The following OTUD7B variants were observed in gnomAD, a reference collection of about 807,000 sequenced individuals.
The protein encoded by OTUD7B is OTU domain-containing protein 7B.
OTUD7B carries 34 observed loss-of-function variants against 82.2 expected under a neutral mutation model. The observed-to-expected ratio is 0.41, with a 90% confidence interval of 0.31 to 0.55. The LOEUF (loss-of-function observed/expected upper bound fraction) is 0.55. Among genes scored for constraint, OTUD7B ranks in the 20% least tolerant of loss-of-function variants. OTUD7B has a pLI of 0.20. For missense variants in OTUD7B, 944 were observed against 1,062.1 expected (o/e 0.89, Z 1.55); for synonymous variants, 398 against 402.7 (o/e 0.99, Z 0.14).
chr1:149,953,765 T>A (rs1179503250), intron 7 of OTUD7B, among the ~76,000 whole-genome samples: 3 of 152,206 alleles, frequency 2.0e-5, no homozygotes, highest in African/African-American at 7.2e-5. Flanking sequence ...GTCCTTCACA[T>A]CCCTTGTAAG....
chr1:149,963,981 G>A (rs900361209), intron 6 of OTUD7B: 1 of 408,224 alleles, frequency 2.4e-6, no homozygotes, highest in African/African-American at 2.0e-5. Context: ...AGCACCTACT[G>A]GGGGAAAAGC....
At chr1:149,971,822 G>C (rs1649959961) in intron 2 of OTUD7B, among the ~76,000 whole-genome samples, 3 of 152,154 alleles carry the variant, frequency 2.0e-5, no homozygotes, top group Admixed American at 2.0e-4. Context: ...GACCTTAAAT[G>C]ATAAGATTTG....
intron 2 of OTUD7B, among the ~76,000 whole-genome samples, chr1:149,971,922 C>T (rs1169470255): frequency 6.6e-6 from 1 of 152,150 alleles, no homozygotes; most frequent in East Asian, 1.9e-4. Flanking sequence ...TGTTGTATTC[C>T]ATCTACTACC....
chr1:149,944,927 A>T lies in OTUD7B; in HGVS notation c.1462T>A (p.Ser488Thr), dbSNP rs1265486073. ...TTGTCCTTCTCCCGATCTCGCTTTG[A>T]CTTCTCCTTCCGCCGGCCGCCCTCG... ...SNEGGRRKEK[S>T]KRDREKDKKR... is the part of the protein sequence containing the mutation. The change falls in exon 12 of 12, where the codon TCA (serine) becomes ACA (threonine). Residue 488 changes from serine to threonine, a missense_variant. By Grantham distance (58) the Ser-to-Thr change is moderately conservative. This residue lies in a region of OTUD7B where 530 missense variants were observed against 625.6 expected (regional missense o/e 0.85). Transcript: ENST00000581312. 3 of 1,613,746 alleles carry T rather than the reference A, an allele frequency of 1.9e-6. No individual in the cohort carries two copies. Among genetic ancestry groups the T allele is most frequent in the African/African-American group, 1.3e-5 (1 of 74,790 alleles).
the OTUD7B span, among the ~76,000 whole-genome samples, chr1:150,039,193 C>A: frequency 1.3e-5 from 2 of 152,036 alleles, no homozygotes; most frequent in Non-Finnish European, 2.9e-5. Flanking sequence ...AAAACTTTTA[C>A]AATTGTCTGT....
At chr1:150,006,064 G>A (rs184982523) in intron 1 of OTUD7B, among the ~76,000 whole-genome samples, 1 of 152,088 alleles carries the variant, frequency 6.6e-6, no homozygotes, top group Non-Finnish European at 1.5e-5. Flanking sequence ...TTCATCATCA[G>A]TGTACTCTCC....
At chr1:149,961,655 C>T (rs71622669) in intron 6 of OTUD7B, 3,441 of 152,314 alleles carry the variant, frequency 0.023, 56 homozygotes, top group Non-Finnish European at 0.034. Flanking sequence ...ATCCGGCCAG[C>T]ATTAACTGCT....
upstream of OTUD7B, among the ~76,000 whole-genome samples, chr1:150,013,934 AAT>A (rs1381941784): frequency 0.026 from 610 of 23,216 alleles, 13 homozygotes; most frequent in East Asian, 0.059. Flanking sequence ...AAAAAAAAAA[AAT>A]AATATATATA....
At chr1:149,952,543 A>C (rs1215387569) in intron 7 of OTUD7B, among the ~76,000 whole-genome samples, 2 of 152,228 alleles carry the variant, frequency 1.3e-5, no homozygotes, top group Admixed American at 6.5e-5. Flanking sequence ...AGCATGATTT[A>C]TAATCCTTTG....
At chr1:149,950,573 C>G (rs587594553) in intron 7 of OTUD7B, among the ~76,000 whole-genome samples, 2 of 152,270 alleles carry the variant, frequency 1.3e-5, no homozygotes, top group African/African-American at 4.8e-5. Flanking sequence ...CTTCATCCTA[C>G]TTATTTTATA....
chr1:149,947,866 G>A (rs1553772497), intron 10 of OTUD7B, among the ~76,000 whole-genome samples: 2 of 152,086 alleles, frequency 1.3e-5, no homozygotes, highest in Admixed American at 1.3e-4. Context: ...GCAGAAGGAA[G>A]GCTTAACAAG....
chr1:150,018,083 G>A, the OTUD7B span, among the ~76,000 whole-genome samples: 1 of 152,044 alleles, frequency 6.6e-6, no homozygotes, highest in Non-Finnish European at 1.5e-5. Context: ...TTTTCAGTTG[G>A]AAAAAAATTT....
At position 149,944,220 on chromosome 1, in the gene OTUD7B, G is replaced by A; in HGVS notation, c.2169C>T (p.Gly723=). The part of the protein sequence containing the change: ...RQLAGGPCVG[G]LPPYATFPRQ... Reference sequence around the variant, plus strand: ...TGGGGAAGGTGGCATATGGTGGTAGGCCCCCGACACATGGACCCCCTGCCA... The same window carrying A: ...TGGGGAAGGTGGCATATGGTGGTAGACCCCCGACACATGGACCCCCTGCCA... Residue 723 remains glycine, a synonymous_variant, in exon 12 of 12, where the codon GGC becomes GGT. Coordinates refer to ENST00000581312, the MANE Select transcript of OTUD7B (RefSeq NM_020205.4). 1.2e-6 allele frequency: 2 copies of A among 1,613,152 alleles called. No homozygotes were observed. The highest frequency in any genetic ancestry group is 1.7e-6 in the Non-Finnish European group (2 of 1,179,396).
At chr1:150,057,273 G>A in the OTUD7B span, among the ~76,000 whole-genome samples, 15,390 of 152,164 alleles carry the variant, frequency 0.1, 2,569 homozygotes, top group African/African-American at 0.35. Flanking sequence ...CCCAGTTTTG[G>A]TCTTTGTACT....
At chr1:149,947,658 G>C (rs1217192270) in intron 10 of OTUD7B, among the ~76,000 whole-genome samples, 1 of 152,140 alleles carries the variant, frequency 6.6e-6, no homozygotes, top group African/African-American at 2.4e-5. Context: ...CATTGTTGTT[G>C]TTGTAAATAT....
chr1:150,011,022 G>C (rs1225616531), upstream of OTUD7B, among the ~76,000 whole-genome samples: 4 of 152,212 alleles, frequency 2.6e-5, no homozygotes, highest in Non-Finnish European at 4.4e-5. Flanking sequence ...TTGGGAAGGA[G>C]CTGAAAGGGG....
At chr1:149,982,076 G>A (rs1553779807) in intron 1 of OTUD7B, among the ~76,000 whole-genome samples, 2 of 152,100 alleles carry the variant, frequency 1.3e-5, no homozygotes, top group Non-Finnish European at 2.9e-5. Context: ...GTGAACCCGG[G>A]AGGCGGAGCT....
the OTUD7B span, among the ~76,000 whole-genome samples, chr1:150,025,611 C>T: frequency 2.6e-5 from 4 of 152,150 alleles, no homozygotes; most frequent in Non-Finnish European, 5.9e-5. Context: ...AGGGGAATAT[C>T]AACTTCAGAG....
At chr1:150,014,763 T>C (rs1553788161), upstream of OTUD7B, among the ~76,000 whole-genome samples, 1 of 152,150 alleles carries the variant, frequency 6.6e-6, no homozygotes, top group Non-Finnish European at 1.5e-5. Flanking sequence ...AAATCAGAAC[T>C]GTGGTTACCT....
Sources: gnomAD v4.1 joint callset for allele counts (sites outside exome capture counted in the v4.1 genomes callset) on GRCh38, gnomAD v4.1.1 for gene constraint, gnomAD v4.1.1 regional missense constraint, MANE v1.5 for transcripts, NCBI Gene and HGNC (gene_info 2026-07-23, HGNC 2026-07-21) for gene names.